Variants in HIVEP3 observed in about 807,000 individuals in gnomAD.
The protein encoded by HIVEP3 is HIVEP zinc finger 3.
In HIVEP3, 49 loss-of-function variants were observed where a neutral mutation model predicts 152.8. The observed-to-expected ratio is 0.32, with a 90% confidence interval of 0.26 to 0.41. The LOEUF (loss-of-function observed/expected upper bound fraction) is 0.41. Ranked by LOEUF, HIVEP3 falls within the 10% of genes least tolerant of loss-of-function variation. The pLI is 1.00. For missense variants in HIVEP3, 2,790 were observed against 3,103.3 expected, an observed-to-expected ratio of 0.90 and a Z score of 2.40; for synonymous variants, 1,269 against 1,289.0, an observed-to-expected ratio of 0.98 and a Z score of 0.33.
Position 41,628,752 on chromosome 1 carries a change from T to G in HIVEP3, c.-525A>C. Reference sequence around the variant, plus strand: ...AGCAACAGCCCCCATTTCCTACCTGTGCTGAAGGCACCACTTCCGATGACC... The same window carrying G: ...AGCAACAGCCCCCATTTCCTACCTGGGCTGAAGGCACCACTTCCGATGACC... On this transcript the variant is annotated 5_prime_UTR_variant, in exon 3 of 9. Coordinates refer to ENST00000372583, the MANE Select transcript of HIVEP3 (RefSeq NM_024503.5). The G allele has an allele frequency of 8.1e-7, 1 of 1,232,178 alleles. No homozygotes were observed. Among genetic ancestry groups the G allele is most frequent in the Admixed American group, 4.2e-5 (1 of 23,724 alleles). 76.3% of individuals were successfully genotyped at this position (1,232,178 alleles called of 1,614,324 possible).
At position 42,021,931 on chromosome 1, in the gene HIVEP3, T is replaced by C. The variant is rs942685234; in HGVS notation, n.119+13876A>G. Among the ~76,000 whole-genome samples the C allele has an allele frequency of 3.3e-5, 5 of 152,326 alleles. No homozygotes were observed. The East Asian group carries it at 7.7e-4, about 23-fold the overall frequency. On this transcript the variant is annotated intron_variant and non_coding_transcript_variant, in intron 1 of 3. Coordinates refer to the HIVEP3 transcript ENST00000489103. ...ACCAGGTAACCAGGTTTAGTACAAA[T>C]GGGGTCACCTGGATGCAGTTTCTCT...
intron 1 of HIVEP3, among the ~76,000 whole-genome samples, chr1:41,884,313 T>C (rs1196767010): frequency 6.6e-6 from 1 of 152,194 alleles, no homozygotes; most frequent in Non-Finnish European, 1.5e-5. Context: ...ACTGTTTGCC[T>C]GTCTTTAAAA....
intron 1 of HIVEP3, among the ~76,000 whole-genome samples, chr1:41,857,940 GC>G (rs1167876106): frequency 6.6e-6 from 1 of 151,438 alleles, no homozygotes; most frequent in African/African-American, 2.4e-5. Flanking sequence ...TTTGGAGTTA[GC>G]CTCTCCAACT....
intron 2 of HIVEP3, among the ~76,000 whole-genome samples, chr1:41,632,881 G>A (rs1378981034): frequency 6.6e-6 from 1 of 152,222 alleles, no homozygotes; most frequent in Non-Finnish European, 1.5e-5. Context: ...ACAGTGGGAG[G>A]TGCTGTGTAG....
intron 2 of HIVEP3, among the ~76,000 whole-genome samples, chr1:41,632,525 C>T (rs751149548): frequency 6.6e-6 from 1 of 152,164 alleles, no homozygotes; most frequent in Admixed American, 6.5e-5. Flanking sequence ...TGAGCCACCA[C>T]GCCTGGCGGA....
intron 3 of HIVEP3, among the ~76,000 whole-genome samples, chr1:41,601,468 TC>T (rs1388834068): frequency 1.3e-5 from 2 of 152,150 alleles, no homozygotes; most frequent in African/African-American, 4.8e-5. Context: ...GTCTTTCATT[TC>T]CTTAGCTAAG....
intron 3 of HIVEP3, among the ~76,000 whole-genome samples, chr1:41,617,243 CTG>C (rs35865261): frequency 0.43 from 65,768 of 151,816 alleles, 14,813 homozygotes; most frequent in Non-Finnish European, 0.51. Flanking sequence ...TCTTTACAGA[CTG>C]ATGCATTCAT....
At chr1:41,838,307 G>C (rs1355700792) in intron 1 of HIVEP3, among the ~76,000 whole-genome samples, 3 of 152,060 alleles carry the variant, frequency 2.0e-5, no homozygotes, top group Non-Finnish European at 4.4e-5. Flanking sequence ...CATCGCACAA[G>C]GATCCCTCAT....
intron 1 of HIVEP3, among the ~76,000 whole-genome samples, chr1:42,001,464 A>C (rs1422941284): frequency 6.6e-6 from 1 of 152,208 alleles, no homozygotes; most frequent in African/African-American, 2.4e-5. Context: ...AGTGCCTGAT[A>C]CAGTGTCTGC....
rs535356958 is a variant in HIVEP3 at position 41,631,538 on chromosome 1, C to T, written c.-720-2591G>A. 3.9e-5 allele frequency among the ~76,000 whole-genome samples: 6 copies of T among 152,256 alleles called. No homozygotes were observed. The South Asian group carries it at 6.2e-4, about 16-fold the overall frequency. On this transcript the variant is annotated intron_variant, in intron 2 of 8. Transcript: ENST00000372583. ...TTTTATTCACACAGCCTCAGAATCA[C>T]GTTTGGCAACCATATCGCACTGCTG...
chr1:41,817,869 G>T (rs1380713371), intron 1 of HIVEP3, among the ~76,000 whole-genome samples: 1 of 152,154 alleles, frequency 6.6e-6, no homozygotes, highest in Admixed American at 6.5e-5. Flanking sequence ...GTGCAGAACT[G>T]CCCTCTTTGA....
intron 2 of HIVEP3, among the ~76,000 whole-genome samples, chr1:41,644,848 T>C (rs1000491008): frequency 2.6e-5 from 4 of 152,100 alleles, no homozygotes; most frequent in African/African-American, 9.7e-5. Context: ...CAGGATATTA[T>C]ACCACAGCTG....
In HIVEP3 at chr1:41,580,147, C is replaced by G. The variant is rs141954697; in HGVS notation, c.4651G>C (p.Val1551Leu). ...TGTTCCTTGGAATCTTCTTTCTTCA[C>G]GCTCAGTGGGGTCAACCCTCTTCGG... ...PHRRGLTPLSVKKEDSKEQPD... is the reference protein window; with the variant it reads ...PHRRGLTPLSLKKEDSKEQPD... Residue 1551 changes from valine (V) to leucine (L), a missense_variant, in exon 4 of 9, where the codon GTG becomes CTG. Around this residue, in one of 9 missense-constraint regions of HIVEP3, gnomAD observed 1,078 missense variants for 1,165.3 expected, o/e 0.93. Coordinates refer to ENST00000372583, the MANE Select transcript of HIVEP3 (RefSeq NM_024503.5). 1.9e-6 allele frequency: 3 copies of G among 1,613,774 alleles called. No homozygotes were observed. In the South Asian group the frequency reaches 3.3e-5, roughly 18 times the overall value.
At position 41,956,085 on chromosome 1, in the gene HIVEP3, C is replaced by G. The variant is rs184976194; in HGVS notation, n.120-37561G>C. On this transcript the variant is annotated intron_variant and non_coding_transcript_variant, in intron 1 of 3. Coordinates refer to the HIVEP3 transcript ENST00000489103. ...CAGGGAGTCATTACCTCCTCTGGTG[C>G]TAACACCACAAGTGTCTAATGTCAA... Among the ~76,000 whole-genome samples the G allele has an allele frequency of 3.2e-3, 494 of 152,322 alleles. 1 individual carries two copies. Among genetic ancestry groups the G allele is most frequent in the Non-Finnish European group, 5.1e-3 (344 of 68,028 alleles).
intron 5 of HIVEP3, among the ~76,000 whole-genome samples, chr1:41,527,435 A>AT (rs1643022097): frequency 1.3e-5 from 1 of 79,752 alleles, no homozygotes; most frequent in East Asian, 4.6e-4. Flanking sequence ...CACACTCCAC[A>AT]CCCCACCCTC....
rs748607186 is a variant in HIVEP3, at chr1:41,513,333, A to T, written c.5888T>A (p.Val1963Glu). 1 of 1,612,864 alleles carries T rather than the reference A, an allele frequency of 6.2e-7. No homozygotes were observed. The highest frequency in any genetic ancestry group is 1.1e-5 in the South Asian group (1 of 91,070). The change falls in exon 8 of 9, where the codon GTG becomes GAG. Residue 1963 changes from valine to glutamate, a missense_variant. By Grantham distance (121) the Val-to-Glu change is moderately radical (BLOSUM62 -2). Transcript: ENST00000372583. ...DTGSALSYKP[V>E]SPRRPWSPSK... ...TGGGGACCACGGTCTTCTTGGGGAC[A>T]CAGGCTTGTAGCTCAAGGCTGAGCC... is the stretch of plus-strand genomic sequence containing the variant.
At position 41,580,930 on chromosome 1, in the gene HIVEP3, C is replaced by A; in HGVS notation, c.3868G>T (p.Val1290Leu). Reference sequence around the variant, plus strand: ...GCTGAGGAGCTGGCTGGGGGAGCCACAGGGGGTAGCCGGATGTCACTGCTG... The same window carrying A: ...GCTGAGGAGCTGGCTGGGGGAGCCAAAGGGGGTAGCCGGATGTCACTGCTG... ...EYSSDIRLPP[V>L]APPASSSAPT... Residue 1290 changes from valine (V) to leucine (L), a missense_variant, in exon 4 of 9, where the codon GTG becomes TTG. Transcript: ENST00000372583. 6.2e-7 allele frequency: 1 copy of A among 1,612,504 alleles called. No individual in the cohort carries two copies. Among genetic ancestry groups the A allele is most frequent in the African/African-American group, 1.3e-5 (1 of 75,002 alleles).
At position 41,513,606 on chromosome 1, in the gene HIVEP3, T is replaced by A; in HGVS notation, c.5615A>T (p.Asp1872Val). 3 of 1,613,894 alleles carry A rather than the reference T, an allele frequency of 1.9e-6. No individual in the cohort carries two copies. The highest frequency in any genetic ancestry group is 2.5e-6 in the Non-Finnish European group (3 of 1,179,984). The change falls in exon 8 of 9, where the codon GAT (aspartate) becomes GTT (valine). Residue 1872 changes from aspartate to valine, a missense_variant. Asp to Val is a radical substitution (Grantham distance 152, BLOSUM62 -3). Coordinates refer to ENST00000372583, the MANE Select transcript of HIVEP3 (RefSeq NM_024503.5). ...CTCTGAGGATGGTCTGGACAGCTCATCCTGGCTCTCCTCCTCATCCTCATC... is the reference window on the plus strand; with the variant it reads ...CTCTGAGGATGGTCTGGACAGCTCAACCTGGCTCTCCTCCTCATCCTCATC... ...DEDEDEEESQ[D>V]ELSRPSSEAP...
At chr1:41,752,469 T>C (rs755986022) in intron 1 of HIVEP3, among the ~76,000 whole-genome samples, 8 of 152,170 alleles carry the variant, frequency 5.3e-5, no homozygotes, top group Non-Finnish European at 1.0e-4. Context: ...AGCACGGCGA[T>C]GGAGCTCCCA....
Sources: gnomAD v4.1 joint callset for allele counts (sites outside exome capture counted in the v4.1 genomes callset) on GRCh38, gnomAD v4.1.1 for gene constraint, gnomAD v4.1.1 regional missense constraint, MANE v1.5 for transcripts, NCBI Gene and HGNC (gene_info 2026-07-23, HGNC 2026-07-21) for gene names.